The following SENP7 variants were observed in gnomAD, a reference collection of about 807,000 sequenced individuals.
SENP7 encodes sentrin-specific protease 7.
In SENP7, 64 loss-of-function variants were observed where a neutral mutation model predicts 141.2. That is an observed-to-expected ratio of 0.45 (90% confidence interval 0.37 to 0.56). SENP7 has a LOEUF of 0.56. SENP7 is among the 20% of genes least tolerant of loss of function. The probability of loss-of-function intolerance (pLI) is 0.00; values close to 1 mark genes in which losing one functional copy is unlikely to be tolerated. For synonymous variants in SENP7, 382 were observed against 426.4 expected (o/e 0.90, Z 1.28); for missense variants, 1,025 against 1,212.2 (o/e 0.85, Z 2.29).
chr3:101,415,449 GT>G (rs1490140427), intron 5 of SENP7, among the ~76,000 whole-genome samples: 1 of 148,794 alleles, frequency 6.7e-6, no homozygotes, highest in Admixed American at 6.8e-5. Flanking sequence ...AGAGAAAGGG[GT>G]TTTGATTGTG....
At chr3:101,326,595 A>G (rs2058905949) in intron 23 of SENP7, among the ~76,000 whole-genome samples, 1 of 152,160 alleles carries the variant, frequency 6.6e-6, no homozygotes, top group Admixed American at 6.6e-5. Context: ...CAAAAAGCAA[A>G]GAGTGATTCC....
chr3:101,486,378 A>G (rs1469447340), intron 3 of SENP7, among the ~76,000 whole-genome samples: 1 of 152,200 alleles, frequency 6.6e-6, no homozygotes, highest in Non-Finnish European at 1.5e-5. Context: ...GCTAACCTAT[A>G]AGGAAAACCT....
intron 4 of SENP7, among the ~76,000 whole-genome samples, chr3:101,456,038 T>C (rs942617580): frequency 6.6e-6 from 1 of 152,174 alleles, no homozygotes; most frequent in Admixed American, 6.5e-5. Flanking sequence ...ACAACAGAGA[T>C]ACTTTTTTAA....
intron 4 of SENP7, among the ~76,000 whole-genome samples, chr3:101,452,799 G>A (rs540208385): frequency 6.6e-6 from 1 of 152,148 alleles, no homozygotes. Context: ...CAGGACATAG[G>A]CATGGGCAAG....
chr3:101,433,412 A>G (rs2062260353), intron 4 of SENP7, among the ~76,000 whole-genome samples: 1 of 152,038 alleles, frequency 6.6e-6, no homozygotes, highest in Non-Finnish European at 1.5e-5. Flanking sequence ...GCAGGAAATA[A>G]GTTCTTACTT....
intron 16 of SENP7, among the ~76,000 whole-genome samples, chr3:101,339,723 A>C (rs562224179): frequency 3.1e-4 from 45 of 145,182 alleles, no homozygotes; most frequent in African/African-American, 1.1e-3. Flanking sequence ...CATCTCAAAC[A>C]AAAAAAAAAA....
intron 6 of SENP7, among the ~76,000 whole-genome samples, chr3:101,373,803 T>C (rs947067503): frequency 6.6e-5 from 10 of 152,174 alleles, no homozygotes; most frequent in Non-Finnish European, 1.2e-4. Context: ...AATATGACAA[T>C]CTGGTTCTAA....
intron 11 of SENP7, among the ~76,000 whole-genome samples, chr3:101,360,240 A>G (rs2059859594): frequency 6.6e-6 from 1 of 152,116 alleles, no homozygotes; most frequent in East Asian, 1.9e-4. Context: ...ATCACAAACT[A>G]CTATTATTTG....
At chr3:101,511,160 A>G (rs1576571137) in intron 1 of SENP7, among the ~76,000 whole-genome samples, 1 of 152,334 alleles carries the variant, frequency 6.6e-6, no homozygotes, top group East Asian at 1.9e-4. Flanking sequence ...AGAAAAAGAA[A>G]ACGCTCTCTA....
chr3:101,417,116 C>T (rs2061646451), intron 5 of SENP7, among the ~76,000 whole-genome samples: 1 of 152,076 alleles, frequency 6.6e-6, no homozygotes, highest in Non-Finnish European at 1.5e-5. Flanking sequence ...TTAACATCAT[C>T]TCCTGTTTTA....
chr3:101,490,041 C>T (rs926291435), intron 3 of SENP7, among the ~76,000 whole-genome samples: 4 of 151,764 alleles, frequency 2.6e-5, no homozygotes, highest in African/African-American at 4.8e-5. Flanking sequence ...AAAACTAGCC[C>T]GATGTGGTGG....
At chr3:101,395,513 C>G (rs117490366) in intron 6 of SENP7, among the ~76,000 whole-genome samples, 1 of 151,982 alleles carries the variant, frequency 6.6e-6, no homozygotes, top group African/African-American at 2.4e-5. Flanking sequence ...GTTTTTATAC[C>G]ATGCTGTTTT....
At chr3:101,365,072 G>A (rs1433759309) in intron 9 of SENP7, 81 bp from the exon 10 acceptor site, 17 of 921,630 alleles carry the variant, frequency 1.8e-5, no homozygotes, top group Middle Eastern at 3.7e-4. Context: ...TCCCCATCTC[G>A]GCTCACTGCA....
chr3:101,416,997 A>G (rs951712300), intron 5 of SENP7, among the ~76,000 whole-genome samples: 1 of 152,182 alleles, frequency 6.6e-6, no homozygotes. Context: ...CCTAGTTTTC[A>G]GCCCCAAACT....
intron 4 of SENP7, among the ~76,000 whole-genome samples, chr3:101,432,354 T>C (rs192345336): frequency 6.0e-4 from 91 of 152,326 alleles, no homozygotes; most frequent in Admixed American, 2.8e-3. Context: ...GACCAAGGGC[T>C]TGGGAGATCT....
At chr3:101,481,377 A>T (rs544594190) in intron 3 of SENP7, among the ~76,000 whole-genome samples, 2 of 152,350 alleles carry the variant, frequency 1.3e-5, no homozygotes, top group South Asian at 4.1e-4. Context: ...AAGTGAAGTA[A>T]GCCAGAAACA....
At chr3:101,507,920 T>A (rs1376283657) in intron 1 of SENP7, among the ~76,000 whole-genome samples, 2 of 151,580 alleles carry the variant, frequency 1.3e-5, no homozygotes, top group Non-Finnish European at 2.9e-5. Flanking sequence ...ATGGTGGCAC[T>A]CACCTGTAGT....
rs1553707805 is a variant in SENP7 at position 101,380,445 on chromosome 3, C to CCACA, written c.678-8323_678-8320dup. Among the ~76,000 whole-genome samples the CCACA allele has an allele frequency of 9.5e-3, 1,220 of 128,816 alleles. 41 individuals carry two copies. Among genetic ancestry groups the CCACA allele is most frequent in the East Asian group, 0.033 (137 of 4,164 alleles). The allele number at this position is 128,816 out of a possible 152,430, so 84.5% of individuals were successfully genotyped here. A position where few individuals can be genotyped will look rare whatever the true frequency, so the allele number is the denominator to read the frequency against. The stretch of plus-strand genomic sequence containing the variant: ...GTAAAGCAAACCACCGCCCCCCCCC[C>CCACA]CACACACACACACAAAACAAAACAT... On this transcript the variant is annotated intron_variant, in intron 6 of 23. Coordinates refer to ENST00000394095, the MANE Select transcript of SENP7 (RefSeq NM_020654.5).
chr3:101,410,832 G>A (rs1341811482), intron 5 of SENP7, among the ~76,000 whole-genome samples: 1 of 38,588 alleles, frequency 2.6e-5, no homozygotes, highest in African/African-American at 1.1e-4. Flanking sequence ...ATGACAGAGT[G>A]AGATTCTGTC....
Sources: allele counts gnomAD v4.1 joint callset (sites outside exome capture counted in the v4.1 genomes callset), GRCh38; gene constraint gnomAD v4.1.1; transcripts MANE v1.5; gene names NCBI Gene and HGNC (gene_info 2026-07-23, HGNC 2026-07-21).